MRTFB: variants seen among roughly 807,000 people sequenced by gnomAD.
MRTFB encodes the protein myocardin related transcription factor B.
In MRTFB, 29 loss-of-function variants were observed where a neutral mutation model predicts 104.2. That is an observed-to-expected ratio of 0.28 (90% CI 0.21 to 0.38). The LOEUF is 0.38. Ranked by LOEUF, MRTFB falls within the 10% of genes least tolerant of loss-of-function variation. MRTFB has a pLI of 1.00. For missense variants in MRTFB, 1,270 were observed against 1,341.6 expected, an observed-to-expected ratio of 0.95 and a Z score of 0.83; for synonymous variants, 535 against 519.5, an observed-to-expected ratio of 1.03 and a Z score of -0.41.
chr16:14,046,496 C>T, the MRTFB span, among the ~76,000 whole-genome samples: 2 of 152,146 alleles, frequency 1.3e-5, no homozygotes, highest in Non-Finnish European at 2.9e-5. Flanking sequence ...TGTTCTTCTT[C>T]CCACGGTGCA....
chr16:14,145,346 T>C (rs1222729541), intron 3 of MRTFB, among the ~76,000 whole-genome samples: 1 of 152,144 alleles, frequency 6.6e-6, no homozygotes, highest in East Asian at 1.9e-4. Context: ...TATTTTCTGT[T>C]GAGGGAAAAA....
At chr16:14,167,222 C>G (rs770315503) in intron 3 of MRTFB, among the ~76,000 whole-genome samples, 14 of 152,180 alleles carry the variant, frequency 9.2e-5, no homozygotes, top group Non-Finnish European at 1.6e-4. Context: ...GATGGTTTCT[C>G]ATTGTGGTTT....
rs567684330 is a variant in MRTFB at position 14,188,790 on chromosome 16, C to T, written c.155-21453C>T. ...ATTTTATTAAGATGCCTTGTTAATG[C>T]CAGTTTCTCATCTCTCTTCTTGCTT... On this transcript the variant is annotated intron_variant, in intron 3 of 16. Transcript: ENST00000571589. Among the ~76,000 whole-genome samples, 3 of 152,220 alleles carry T rather than the reference C, an allele frequency of 2.0e-5. No individual in the cohort carries two copies. The South Asian group carries it at 6.2e-4, about 32-fold the overall frequency.
At chr16:14,210,408 T>A (rs748113228) in intron 4 of MRTFB, 100 bp downstream of exon 4, 35 of 851,244 alleles carry the variant, frequency 4.1e-5, no homozygotes, top group Non-Finnish European at 3.1e-5. Flanking sequence ...TGTATCCATT[T>A]AATCAACAAA....
the MRTFB span, among the ~76,000 whole-genome samples, chr16:14,050,784 G>A: frequency 3.3e-5 from 5 of 151,990 alleles, no homozygotes; most frequent in African/African-American, 7.3e-5. Flanking sequence ...ATAACACAGC[G>A]TACTCCAGGT....
chr16:14,200,406 A>T, intron 3 of MRTFB: 1 of 1,608,046 alleles, frequency 6.2e-7, no homozygotes, highest in Non-Finnish European at 8.5e-7. Context: ...TCACTGTTTG[A>T]TGCGGAAGAG....
the MRTFB span, among the ~76,000 whole-genome samples, chr16:14,032,236 G>C: frequency 6.6e-6 from 1 of 152,240 alleles, no homozygotes; most frequent in Non-Finnish European, 1.5e-5. Flanking sequence ...CAGGGGAGGA[G>C]AGGATCCAGA....
chr16:14,080,849 T>G (rs2034355766), intron 2 of MRTFB, among the ~76,000 whole-genome samples: 2 of 152,256 alleles, frequency 1.3e-5, no homozygotes, highest in Admixed American at 1.3e-4. Flanking sequence ...TCCGTTTTTA[T>G]AGTTGAATAG....
At chr16:14,201,053 G>GT in intron 3 of MRTFB, 1 of 1,491,470 alleles carries the variant, frequency 6.7e-7, no homozygotes. Context: ...TTAGAGCTTA[G>GT]TCCATGTTGC....
intron 3 of MRTFB, among the ~76,000 whole-genome samples, chr16:14,183,714 T>C (rs1035130939): frequency 1.3e-5 from 2 of 152,152 alleles, no homozygotes; most frequent in South Asian, 4.1e-4. Context: ...CTCTGTAAAT[T>C]TGAAATTATT....
chr16:14,252,387 A>G lies in MRTFB; in HGVS notation c.2588A>G (p.Gln863Arg), dbSNP rs779782113. Residue 863 changes from glutamine to arginine, a missense_variant, in exon 15 of 17, where the codon CAG becomes CGG. Gln to Arg is a conservative substitution (Grantham distance 43). This residue lies in a region of MRTFB where 1,144 missense variants were observed against 1,131.5 expected (regional missense o/e 1.01). Transcript: ENST00000571589. Reference sequence around the variant, plus strand: ...CAGCCTAGTTCACCCCCGCCACCCCAGCAATTTGTCGTCCAGCACTCTCTA... The same window carrying G: ...CAGCCTAGTTCACCCCCGCCACCCCGGCAATTTGTCGTCCAGCACTCTCTA... ...PNKPSSPPPP[Q>R]QFVVQHSLFG... The G allele has an allele frequency of 6.2e-7, 1 of 1,612,730 alleles. No homozygotes were observed. Among genetic ancestry groups the G allele is most frequent in the Non-Finnish European group, 8.5e-7 (1 of 1,179,512 alleles).
chr16:14,047,002 C>G, the MRTFB span, among the ~76,000 whole-genome samples: 7 of 152,168 alleles, frequency 4.6e-5, no homozygotes, highest in Non-Finnish European at 8.8e-5. Flanking sequence ...TTACTGAACT[C>G]TATCATAAGT....
At chr16:13,999,303 G>A in the MRTFB span, among the ~76,000 whole-genome samples, 4 of 151,934 alleles carry the variant, frequency 2.6e-5, no homozygotes, top group African/African-American at 9.7e-5. Context: ...TTGTGGCTCA[G>A]CATATTTCTT....
chr16:14,216,232 A>G (rs1424611526), intron 6 of MRTFB, among the ~76,000 whole-genome samples: 1 of 152,226 alleles, frequency 6.6e-6, no homozygotes, highest in African/African-American at 2.4e-5. Context: ...ATTAATACCT[A>G]CAGACTAAAG....
At chr16:14,242,958 C>T (rs891994495) in intron 10 of MRTFB, among the ~76,000 whole-genome samples, 1 of 151,958 alleles carries the variant, frequency 6.6e-6, no homozygotes, top group African/African-American at 2.4e-5. Flanking sequence ...AGCAGGGAGA[C>T]TACTCTTACG....
intron 3 of MRTFB, among the ~76,000 whole-genome samples, chr16:14,205,633 C>G (rs1567456389): frequency 6.6e-6 from 1 of 152,252 alleles, no homozygotes; most frequent in East Asian, 1.9e-4. Flanking sequence ...TGAAAATGTT[C>G]AAATGTGAGC....
the MRTFB span, among the ~76,000 whole-genome samples, chr16:14,034,229 A>G: frequency 6.6e-6 from 1 of 152,252 alleles, no homozygotes; most frequent in East Asian, 1.9e-4. Context: ...TCTGAAAGCA[A>G]GGTTTTGGTT....
At chr16:14,089,571 A>G (rs2034928363) in intron 2 of MRTFB, among the ~76,000 whole-genome samples, 1 of 152,180 alleles carries the variant, frequency 6.6e-6, no homozygotes, top group Non-Finnish European at 1.5e-5. Flanking sequence ...GTTATTATGA[A>G]TCATACTGCT....
chr16:14,008,538 T>A, the MRTFB span, among the ~76,000 whole-genome samples: 1 of 152,234 alleles, frequency 6.6e-6, no homozygotes, highest in African/African-American at 2.4e-5. Flanking sequence ...CCTAGTCAAG[T>A]GATCTATATG....
Sources: allele counts gnomAD v4.1 joint callset (sites outside exome capture counted in the v4.1 genomes callset), GRCh38; gene constraint gnomAD v4.1.1; regional missense constraint gnomAD v4.1.1; transcripts MANE v1.5; gene names NCBI Gene and HGNC (gene_info 2026-07-23, HGNC 2026-07-21).